Variants in RGPD2 observed in about 807,000 individuals in gnomAD.
RGPD2 encodes the protein RANBP2-like and GRIP domain-containing protein 2.
A neutral mutation model predicts 36.0 loss-of-function variants in RGPD2; 2 were observed. The ratio of observed to expected loss-of-function variants is 0.06; its 90% CI spans 0.02 to 0.17. The LOEUF (loss-of-function observed/expected upper bound fraction) is 0.17. Ranked by LOEUF, RGPD2 falls within the 10% of genes least tolerant of loss-of-function variation. The pLI is 1.00. For synonymous variants in RGPD2, 19 were observed against 163.8 expected, an observed-to-expected ratio of 0.12 and a Z score of 6.75; for missense variants, 40 against 464.3, an observed-to-expected ratio of 0.09 and a Z score of 8.40.
chr2:87,814,220 C>T (rs1219579894), intron 4 of RGPD2, among the ~76,000 whole-genome samples: 2 of 73,812 alleles, frequency 2.7e-5, no homozygotes, highest in Middle Eastern at 4.9e-3. Context: ...AATGCTTTTT[C>T]AGCTTCAAAA....
At chr2:87,873,760 A>C in the RGPD2 span, among the ~76,000 whole-genome samples, 2 of 151,670 alleles carry the variant, frequency 1.3e-5, no homozygotes, top group Admixed American at 6.6e-5. Flanking sequence ...AAGTGCAGGG[A>C]AACTGCCTTT....
upstream of RGPD2, among the ~76,000 whole-genome samples, chr2:87,829,302 ATATTCT>A (rs1428550184): frequency 8.7e-6 from 1 of 114,832 alleles, no homozygotes; most frequent in Admixed American, 1.0e-4. Context: ...GATATTTTAA[ATATTCT>A]TATTACCATA....
chr2:87,927,903 ATAAAT>A, the RGPD2 span, among the ~76,000 whole-genome samples: 1 of 138,056 alleles, frequency 7.2e-6, no homozygotes, highest in East Asian at 2.1e-4. Flanking sequence ...GATTATTAAA[ATAAAT>A]TCATATTGTA....
chr2:87,964,572 C>T, the RGPD2 span, among the ~76,000 whole-genome samples: 8 of 152,166 alleles, frequency 5.3e-5, no homozygotes, highest in Middle Eastern at 3.2e-3. Context: ...CTCACACTGC[C>T]GCCCAGGCTG....
chr2:87,874,923 CT>C, the RGPD2 span, among the ~76,000 whole-genome samples: 4 of 150,930 alleles, frequency 2.7e-5, no homozygotes, highest in African/African-American at 9.7e-5. Context: ...TTGTAGTTCT[CT>C]TTGAAGATGT....
At chr2:87,836,935 T>C in the RGPD2 span, among the ~76,000 whole-genome samples, 4 of 152,004 alleles carry the variant, frequency 2.6e-5, no homozygotes, top group Admixed American at 2.6e-4. Flanking sequence ...CTGCTATTCT[T>C]ATTTCAGACA....
At chr2:87,940,381 C>A in the RGPD2 span, among the ~76,000 whole-genome samples, 2 of 150,794 alleles carry the variant, frequency 1.3e-5, no homozygotes, top group African/African-American at 4.9e-5. Context: ...CACTTCCCAT[C>A]TTCTTTAGCT....
At chr2:87,907,464 G>GAAAAAAAAAA in the RGPD2 span, among the ~76,000 whole-genome samples, 1 of 2,012 alleles carries the variant, frequency 5.0e-4, no homozygotes, top group Non-Finnish European at 7.7e-4. Flanking sequence ...AAAAAAAAAA[G>GAAAAAAAAAA]AATTGTGGGT....
chr2:87,913,855 G>A, the RGPD2 span, among the ~76,000 whole-genome samples: 1 of 152,018 alleles, frequency 6.6e-6, no homozygotes, highest in African/African-American at 2.4e-5. Flanking sequence ...AAATACTTTA[G>A]AGTTAATAAT....
At chr2:87,886,856 T>C in the RGPD2 span, among the ~76,000 whole-genome samples, 3 of 151,916 alleles carry the variant, frequency 2.0e-5, no homozygotes, top group Non-Finnish European at 4.4e-5. Flanking sequence ...AGTTATTACT[T>C]TGGCCATTTT....
chr2:87,920,188 A>G, the RGPD2 span, among the ~76,000 whole-genome samples: 1 of 152,010 alleles, frequency 6.6e-6, no homozygotes, highest in Non-Finnish European at 1.5e-5. Context: ...TATGTATTTG[A>G]TGAGTAATAA....
the RGPD2 span, among the ~76,000 whole-genome samples, chr2:87,936,982 G>T: frequency 6.8e-6 from 1 of 146,166 alleles, no homozygotes; most frequent in African/African-American, 2.7e-5. Flanking sequence ...CTTACTAAGG[G>T]CCTGGACTGT....
At chr2:87,972,417 C>A in the RGPD2 span, among the ~76,000 whole-genome samples, 11 of 116,248 alleles carry the variant, frequency 9.5e-5, no homozygotes, top group African/African-American at 3.8e-4. Flanking sequence ...AGAATACATT[C>A]CCTGATGTAA....
At chr2:87,941,065 T>C in the RGPD2 span, among the ~76,000 whole-genome samples, 1 of 152,000 alleles carries the variant, frequency 6.6e-6, no homozygotes. Context: ...TAGAAACTGG[T>C]ATATTTATGT....
the RGPD2 span, among the ~76,000 whole-genome samples, chr2:87,958,374 C>T: frequency 6.6e-6 from 1 of 151,680 alleles, no homozygotes; most frequent in Non-Finnish European, 1.5e-5. Flanking sequence ...GTTGTTTTGG[C>T]TTCTGATACA....
chr2:87,821,936 CCTA>C (rs1558736336), intron 1 of RGPD2, among the ~76,000 whole-genome samples: 1 of 138,788 alleles, frequency 7.2e-6, no homozygotes, highest in Non-Finnish European at 1.5e-5. Flanking sequence ...ACATTTGTGG[CCTA>C]CTTTTTCATT....
At chr2:87,876,973 T>A in the RGPD2 span, among the ~76,000 whole-genome samples, 1 of 152,268 alleles carries the variant, frequency 6.6e-6, no homozygotes, top group Non-Finnish European at 1.5e-5. Context: ...CATTGTCTTT[T>A]TTTTATCTTT....
chr2:87,770,117 G>GA (rs1685088928), intron 22 of RGPD2, among the ~76,000 whole-genome samples: 1 of 103,848 alleles, frequency 9.6e-6, no homozygotes, highest in African/African-American at 3.2e-5. Flanking sequence ...AATTAAGCCT[G>GA]AATCTTATCA....
chr2:87,834,355 A>T, the RGPD2 span, among the ~76,000 whole-genome samples: 2 of 152,078 alleles, frequency 1.3e-5, no homozygotes, highest in Non-Finnish European at 2.9e-5. Context: ...CATAACAAGT[A>T]AGACAAGGTT....
Sources: allele counts gnomAD v4.1 joint callset (sites outside exome capture counted in the v4.1 genomes callset), GRCh38; gene constraint gnomAD v4.1.1; transcripts MANE v1.5; gene names NCBI Gene and HGNC (gene_info 2026-07-23, HGNC 2026-07-21).